Variants in TLE1 observed in about 807,000 individuals in gnomAD.
TLE1 encodes TLE family member 1, transcriptional corepressor.
Under a neutral mutation model 89.8 loss-of-function variants are expected in TLE1, and 21 were observed. The ratio of observed to expected loss-of-function variants is 0.23; its 90% CI spans 0.17 to 0.34. The LOEUF (loss-of-function observed/expected upper bound fraction) is 0.34, where lower values mean the gene tolerates loss of function less well. Ranked by LOEUF, TLE1 falls within the 10% of genes least tolerant of loss-of-function variation. TLE1 has a pLI of 1.00. For synonymous variants in TLE1, 447 were observed against 407.6 expected, an observed-to-expected ratio of 1.10 and a Z score of -1.16; for missense variants, 795 against 1,031.2, an observed-to-expected ratio of 0.77 and a Z score of 3.14.
rs542554606 is a variant in TLE1 at position 81,584,542 on chromosome 9, A to G, written c.2129-18T>C. Reference sequence around the variant, plus strand: ...CCATTTACCTAGAATTAGCAAAGGAATATCTAGTTTTCACAAGGTTAAAAT... The same window carrying G: ...CCATTTACCTAGAATTAGCAAAGGAGTATCTAGTTTTCACAAGGTTAAAAT... On this transcript the variant is annotated intron_variant, in intron 18 of 19. Transcript: ENST00000376499. The G allele has an allele frequency of 1.9e-6, 3 of 1,612,392 alleles. No homozygotes were observed. The highest frequency in any genetic ancestry group is 1.3e-5 in the African/African-American group (1 of 74,990).
At chr9:81,590,008 T>C (rs1829247785) in intron 16 of TLE1, among the ~76,000 whole-genome samples, 1 of 152,188 alleles carries the variant, frequency 6.6e-6, no homozygotes, top group Non-Finnish European at 1.5e-5. Context: ...CTGTGCAGCA[T>C]GAGAGGGGAC....
intron 14 of TLE1, among the ~76,000 whole-genome samples, chr9:81,608,486 C>G (rs996607633): frequency 6.6e-6 from 1 of 152,264 alleles, no homozygotes; most frequent in Non-Finnish European, 1.5e-5. Flanking sequence ...TGCATTTCAG[C>G]CTGGGCAACA....
chr9:81,621,721 G>A (rs1825282776), intron 8 of TLE1, among the ~76,000 whole-genome samples: 1 of 152,148 alleles, frequency 6.6e-6, no homozygotes, highest in Admixed American at 6.5e-5. Flanking sequence ...AATCAGCCAG[G>A]TGGCCAGCCC....
At chr9:81,626,248 T>A (rs913848234) in intron 8 of TLE1, among the ~76,000 whole-genome samples, 2 of 152,098 alleles carry the variant, frequency 1.3e-5, no homozygotes, top group Non-Finnish European at 2.9e-5. Flanking sequence ...ACCTCATTTA[T>A]CCTCAGTTAC....
intron 4 of TLE1, among the ~76,000 whole-genome samples, chr9:81,665,125 T>C (rs968008241): frequency 2.6e-5 from 4 of 152,176 alleles, no homozygotes; most frequent in Non-Finnish European, 5.9e-5. Flanking sequence ...TGCAGCAACA[T>C]GAGAGCTGCC....
At chr9:81,665,479 C>G (rs1232118002) in intron 4 of TLE1, among the ~76,000 whole-genome samples, 1 of 151,924 alleles carries the variant, frequency 6.6e-6, no homozygotes. Flanking sequence ...CTTTCACACT[C>G]GCAGTTCTCT....
intron 14 of TLE1, among the ~76,000 whole-genome samples, chr9:81,605,152 A>G (rs530209329): frequency 6.6e-6 from 1 of 152,224 alleles, no homozygotes; most frequent in African/African-American, 2.4e-5. Flanking sequence ...GGTATTTTTC[A>G]GAGAATTATT....
chr9:81,665,990 G>A (rs1292235573), intron 4 of TLE1, among the ~76,000 whole-genome samples: 5 of 151,960 alleles, frequency 3.3e-5, no homozygotes, highest in Non-Finnish European at 5.9e-5. Flanking sequence ...CCCAACTGTT[G>A]CCAAGCAGAG....
intron 8 of TLE1, among the ~76,000 whole-genome samples, chr9:81,631,725 G>C (rs1225323448): frequency 6.6e-6 from 1 of 152,184 alleles, no homozygotes; most frequent in African/African-American, 2.4e-5. Flanking sequence ...ACAGCCTAAA[G>C]GGCATGGGCT....
intron 16 of TLE1, among the ~76,000 whole-genome samples, chr9:81,589,864 G>T (rs2796466): frequency 0.39 from 59,925 of 151,966 alleles, 12,443 homozygotes; most frequent in Non-Finnish European, 0.45. Context: ...CCAGCAAACA[G>T]AAGAGGAAAG....
intron 8 of TLE1, among the ~76,000 whole-genome samples, chr9:81,627,739 C>A (rs1386236685): frequency 6.6e-6 from 1 of 152,054 alleles, no homozygotes; most frequent in Non-Finnish European, 1.5e-5. Flanking sequence ...AATATTTAGG[C>A]AAAAACAGTA....
chr9:81,647,921 T>C (rs141490340), intron 6 of TLE1, among the ~76,000 whole-genome samples: 27 of 152,316 alleles, frequency 1.8e-4, no homozygotes, highest in African/African-American at 4.3e-4. Context: ...TGTTTACTAT[T>C]AATATTTTTA....
At chr9:81,605,400 T>C (rs1233290881) in intron 14 of TLE1, among the ~76,000 whole-genome samples, 1 of 152,144 alleles carries the variant, frequency 6.6e-6, no homozygotes, top group Non-Finnish European at 1.5e-5. Context: ...TCCTATTCAT[T>C]TGTATTGTAT....
intron 8 of TLE1, among the ~76,000 whole-genome samples, chr9:81,632,751 CTT>C (rs923757791): frequency 5.8e-5 from 8 of 136,972 alleles, no homozygotes; most frequent in Admixed American, 5.2e-4. Flanking sequence ...GAATTTCCTT[CTT>C]TTTAAGAGCT....
intron 6 of TLE1, among the ~76,000 whole-genome samples, chr9:81,640,804 C>A (rs762349898): frequency 1.4e-4 from 22 of 152,182 alleles, no homozygotes; most frequent in Non-Finnish European, 2.9e-4. Flanking sequence ...TGGCTTATCA[C>A]CATGTTGTTG....
intron 16 of TLE1, among the ~76,000 whole-genome samples, chr9:81,589,189 G>GA (rs1829076835): frequency 6.6e-6 from 1 of 152,124 alleles, no homozygotes; most frequent in East Asian, 1.9e-4. Context: ...AACAGCTCTG[G>GA]AAATCCAGTG....
chr9:81,585,448 G>GA (rs767214653), intron 18 of TLE1, 57 bp downstream of exon 18: 54 of 1,575,606 alleles, frequency 3.4e-5, no homozygotes, highest in Admixed American at 7.2e-5. Context: ...ATTTTTTTAA[G>GA]AAGCATTTTC....
At chr9:81,616,503 G>A (rs1824533393) in intron 10 of TLE1, 143 bp downstream of exon 10, 2 of 756,804 alleles carry the variant, frequency 2.6e-6, no homozygotes, top group African/African-American at 1.8e-5. Flanking sequence ...CTCCATACAT[G>A]AGCAACCATT....
In TLE1 at chr9:81,639,587, TG is replaced by T. The variant is rs377589718; in HGVS notation, c.373-5287del. 3.8e-3 allele frequency among the ~76,000 whole-genome samples: 557 copies of T among 145,922 alleles called. 25 individuals are homozygous for T. Among genetic ancestry groups the T allele is most frequent in the Admixed American group, 0.014 (194 of 14,086 alleles). ...ATTAGTAAAAGTTGTTTTTTTTTTT[TG>T]TTTTTTTTTTTTTTGAGACAGTCTC... On this transcript the variant is annotated intron_variant, in intron 6 of 19. Transcript: ENST00000376499.
Sources: allele counts gnomAD v4.1 joint callset (sites outside exome capture counted in the v4.1 genomes callset), GRCh38; gene constraint gnomAD v4.1.1; transcripts MANE v1.5; gene names NCBI Gene and HGNC (gene_info 2026-07-23, HGNC 2026-07-21).